Variants in ALS2 observed in about 807,000 individuals in gnomAD.
ALS2 encodes alsin Rho guanine nucleotide exchange factor ALS2.
ALS2 carries 117 observed loss-of-function variants against 203.4 expected under a neutral mutation model. That is an observed-to-expected ratio of 0.58 (90% confidence interval 0.50 to 0.67). ALS2 has a LOEUF of 0.67. Among genes scored for constraint, ALS2 ranks in the 30% least tolerant of loss-of-function variants. The pLI, the probability that ALS2 is intolerant of heterozygous loss-of-function variation, is 0.00. For missense variants in ALS2, 1,715 were observed against 1,989.4 expected, an observed-to-expected ratio of 0.86 and a Z score of 2.62; for synonymous variants, 718 against 725.9, an observed-to-expected ratio of 0.99 and a Z score of 0.17.
intron 1 of ALS2, among the ~76,000 whole-genome samples, chr2:201,772,099 T>A (rs1488786690): frequency 6.6e-6 from 1 of 152,216 alleles, no homozygotes; most frequent in Non-Finnish European, 1.5e-5. Flanking sequence ...CACAGTGATA[T>A]GTAAAGTAAC....
intron 1 of ALS2, among the ~76,000 whole-genome samples, chr2:201,779,562 T>C (rs1218259292): frequency 6.6e-6 from 1 of 152,204 alleles, no homozygotes; most frequent in Non-Finnish European, 1.5e-5. Flanking sequence ...AAGAGTCAGT[T>C]TGGATCATGA....
intron 25 of ALS2, among the ~76,000 whole-genome samples, chr2:201,714,439 C>T (rs943779074): frequency 7.2e-5 from 11 of 152,196 alleles, no homozygotes; most frequent in African/African-American, 2.7e-4. Flanking sequence ...TTGTGTGTGA[C>T]TCATCCCAGA....
chr2:201,761,522 C>T lies in ALS2; in HGVS notation c.472G>A (p.Gly158Ser), dbSNP rs1295396007. 1 of 1,614,038 alleles carries T rather than the reference C, an allele frequency of 6.2e-7. No homozygotes were observed. The highest frequency in any genetic ancestry group is 1.7e-5 in the Admixed American group (1 of 60,018). ...GACAATGCCAGAGTGTGCTCCTCGC[C>T]ACACGCCAACTGTAAAATCCTGACT... ...LAVRILQLACGEEHTLALSIS... is the reference protein window; with the variant it reads ...LAVRILQLACSEEHTLALSIS... Residue 158 changes from glycine to serine, a missense_variant, in exon 4 of 34, where the codon GGC becomes AGC. Around this residue, in one of 3 missense-constraint regions of ALS2, gnomAD observed 476 missense variants for 539.3 expected, o/e 0.88. Coordinates refer to ENST00000264276, the MANE Select transcript of ALS2 (RefSeq NM_020919.4).
rs559599124 is a variant in ALS2, at chr2:201,759,221, T to C, written c.1114-1462A>G. ...TACTTAATTATATTTAAAAATATAG[T>C]AATAAGCCCTCCCCTACAAAAAACA... On this transcript the variant is annotated intron_variant, in intron 4 of 33. Transcript: ENST00000264276. 2.6e-5 allele frequency among the ~76,000 whole-genome samples: 4 copies of C among 152,270 alleles called. No homozygotes were observed. In the East Asian group the frequency reaches 7.7e-4, roughly 29 times the overall value.
intron 1 of ALS2, among the ~76,000 whole-genome samples, chr2:201,771,919 T>C (rs114056042): frequency 1.5e-4 from 23 of 152,342 alleles, no homozygotes; most frequent in African/African-American, 5.3e-4. Context: ...CCATGTGATG[T>C]TGCATAAACA....
At position 201,741,661 on chromosome 2, in the gene ALS2, A is replaced by C; in HGVS notation, c.2351+13T>G. 1.2e-6 allele frequency: 2 copies of C among 1,613,136 alleles called. No homozygotes were observed. Among genetic ancestry groups the C allele is most frequent in the Non-Finnish European group, 1.7e-6 (2 of 1,179,180 alleles). ...CTGCAGAGATTGAACATGACACGGG[A>C]CTGGATACTTGCTCTGTATAACTAT... On this transcript the variant is annotated intron_variant, in intron 11 of 33. Coordinates refer to ENST00000264276, the MANE Select transcript of ALS2 (RefSeq NM_020919.4).
intron 25 of ALS2, 128 bp downstream of exon 25, chr2:201,715,544 C>T (rs1325971836): frequency 2.8e-6 from 3 of 1,084,946 alleles, no homozygotes; most frequent in Admixed American, 4.4e-5. Flanking sequence ...GTGTTTTAAT[C>T]TCTCTTACTC....
At chr2:201,754,446 AG>A in intron 6 of ALS2, 56 bp downstream of exon 6, 3 of 1,607,936 alleles carry the variant, frequency 1.9e-6, no homozygotes, top group Non-Finnish European at 2.6e-6. Context: ...AGACCTTCCC[AG>A]GAGAGAGATT....
At position 201,710,032 on chromosome 2, in the gene ALS2, C is replaced by T; in HGVS notation, c.4129G>A (p.Asp1377Asn). Residue 1377 changes from aspartate to asparagine, a missense_variant, in exon 27 of 34, where the codon GAC becomes AAC. Around this residue, in one of 3 missense-constraint regions of ALS2, gnomAD observed 1,227 missense variants for 1,413.5 expected, o/e 0.87. Coordinates refer to ENST00000264276, the MANE Select transcript of ALS2 (RefSeq NM_020919.4). Reference sequence around the variant, plus strand: ...CTGCCCAGGGGGTGCAGAGGAGTGTCACAGGCCTGAGTAGGAAAAGAATCA... The same window carrying T: ...CTGCCCAGGGGGTGCAGAGGAGTGTTACAGGCCTGAGTAGGAAAAGAATCA... Reference protein sequence around the residue: ...DIRKYLIKACDTPLHPLGRLV... With the variant: ...DIRKYLIKACNTPLHPLGRLV... 2 of 1,613,846 alleles carry T rather than the reference C, an allele frequency of 1.2e-6. No individual in the cohort carries two copies. Among genetic ancestry groups the T allele is most frequent in the Non-Finnish European group, 1.7e-6 (2 of 1,179,814 alleles).
chr2:201,714,019 C>T (rs1421363256), intron 25 of ALS2, among the ~76,000 whole-genome samples: 1 of 152,162 alleles, frequency 6.6e-6, no homozygotes, highest in Non-Finnish European at 1.5e-5. Context: ...TGGTAGCTCA[C>T]GCCTGCAATC....
chr2:201,717,674 C>A (rs1020672528), intron 24 of ALS2, among the ~76,000 whole-genome samples: 1 of 149,430 alleles, frequency 6.7e-6, no homozygotes, highest in African/African-American at 2.5e-5. Flanking sequence ...CCAGGTGCAG[C>A]GGCTCATACC....
At chr2:201,738,758 T>G in intron 11 of ALS2, 23 bp from the exon 12 acceptor site, 1 of 1,588,924 alleles carries the variant, frequency 6.3e-7, no homozygotes. Context: ...AGAAAACACA[T>G]GTACATTAGT....
At chr2:201,707,810 G>C in intron 28 of ALS2, 59 bp downstream of exon 28, 1 of 1,594,380 alleles carries the variant, frequency 6.3e-7, no homozygotes, top group East Asian at 2.3e-5. Flanking sequence ...GGGACTCTTT[G>C]AGTAAGATCA....
rs554050978 is a variant in ALS2, at chr2:201,754,014, CT to C, written c.1640+488del. On this transcript the variant is annotated intron_variant, in intron 6 of 33. Coordinates refer to ENST00000264276, the MANE Select transcript of ALS2 (RefSeq NM_020919.4). ...CTTTTACTGCTTTTTTTTTCTTTTC[CT>C]TTTTTTTTTTTTGAGATAAGAGTTT... Among the ~76,000 whole-genome samples the C allele has an allele frequency of 3.6e-3, 517 of 142,866 alleles. 1 individual carries two copies. The highest frequency in any genetic ancestry group is 3.4e-3 in the African/African-American group (135 of 39,324). 93.7% of individuals were successfully genotyped at this position (142,866 alleles called of 152,430 possible).
At chr2:201,780,301 G>T (rs570494066) in intron 1 of ALS2, among the ~76,000 whole-genome samples, 1 of 152,176 alleles carries the variant, frequency 6.6e-6, no homozygotes. Flanking sequence ...TCCTCTTGAT[G>T]AATTACTTGA....
intron 12 of ALS2, among the ~76,000 whole-genome samples, chr2:201,733,657 A>G (rs1691711004): frequency 2.0e-5 from 3 of 152,264 alleles, no homozygotes; most frequent in Admixed American, 1.3e-4. Flanking sequence ...GTAGCAATAC[A>G]AACGGTTAAT....
intron 30 of ALS2, 72 bp downstream of exon 30, chr2:201,705,344 A>G: frequency 1.9e-6 from 3 of 1,548,748 alleles, no homozygotes; most frequent in Non-Finnish European, 2.7e-6. Context: ...GTAAAATGAA[A>G]AAGTTTTGCT....
Position 201,736,069 on chromosome 2 carries a change from T to G in ALS2, c.2417+2601A>C, listed in dbSNP as rs369664088. Among the ~76,000 whole-genome samples the G allele has an allele frequency of 3.9e-5, 6 of 152,070 alleles. No individual in the cohort carries two copies. In the East Asian group the frequency reaches 7.7e-4, roughly 20 times the overall value. On this transcript the variant is annotated intron_variant, in intron 12 of 33. Coordinates refer to ENST00000264276, the MANE Select transcript of ALS2 (RefSeq NM_020919.4). Reference sequence around the variant, plus strand: ...ATTTTATTCATTATAATAAAGATATTTAAAATAATAAATATAAAATCAGTA... The same window carrying G: ...ATTTTATTCATTATAATAAAGATATGTAAAATAATAAATATAAAATCAGTA...
rs192844068 is a variant in ALS2 at position 201,713,034 on chromosome 2, G to C, written c.4005-1926C>G. ...CAAGATGGAGTTTGTTCAGCTACTT[G>C]AATCTATGGGTTTCACGTCTTTTTA... On this transcript the variant is annotated intron_variant, in intron 25 of 33. Transcript: ENST00000264276. Among the ~76,000 whole-genome samples, 320 of 151,714 alleles carry C rather than the reference G, an allele frequency of 2.1e-3. 1 individual carries two copies. The highest frequency in any genetic ancestry group is 3.7e-3 in the Non-Finnish European group (248 of 67,940).
Sources: allele counts gnomAD v4.1 joint callset (sites outside exome capture counted in the v4.1 genomes callset), GRCh38; gene constraint gnomAD v4.1.1; regional missense constraint gnomAD v4.1.1; transcripts MANE v1.5; gene names NCBI Gene and HGNC (gene_info 2026-07-23, HGNC 2026-07-21).